Variants in USP34 observed in about 807,000 individuals in gnomAD.
The protein encoded by USP34 is ubiquitin carboxyl-terminal hydrolase 34.
Under a neutral mutation model 460.3 loss-of-function variants are expected in USP34, and 70 were observed. The ratio of observed to expected loss-of-function variants is 0.15; its 90% CI spans 0.13 to 0.19. The LOEUF is 0.19. Among genes scored for constraint, USP34 ranks in the 10% least tolerant of loss-of-function variants. The pLI, the probability that USP34 is intolerant of heterozygous loss-of-function variation, is 1.00. For missense variants in USP34, 3,985 were observed against 4,236.2 expected (o/e 0.94, Z 1.65); for synonymous variants, 1,647 against 1,405.3 (o/e 1.17, Z -3.85).
Position 61,383,339 on chromosome 2 carries a change from A to G in USP34, c.754-3T>C, listed in dbSNP as rs751007146. On this transcript the variant is annotated splice_region_variant and splice_polypyrimidine_tract_variant and intron_variant, in intron 5 of 79. Coordinates refer to ENST00000398571, the MANE Select transcript of USP34 (RefSeq NM_014709.4). ...GGAATATGTAGCCATATTCTAATCT[A>G]TATAAGAAACATAAAAACAACATTA... 4.4e-6 allele frequency: 7 copies of G among 1,589,756 alleles called. No homozygotes were observed. The South Asian group carries it at 5.7e-5, about 13-fold the overall frequency.
At chr2:61,283,771 A>C (rs1396145134) in intron 35 of USP34, among the ~76,000 whole-genome samples, 1 of 152,170 alleles carries the variant, frequency 6.6e-6, no homozygotes, top group East Asian at 1.9e-4. Flanking sequence ...ATGTGCCACC[A>C]CACTCAGCTA....
rs1349593535 is a variant in USP34, at chr2:61,188,249, A to C, written c.10494T>G (p.Val3498=). ...GQALPSQDPE[V]ALSLSCGHSR... The stretch of plus-strand genomic sequence containing the variant: ...AATGGCCACAACTGAGAGATAAAGC[A>C]ACCTCAGGGTCCTGGGAGGGCAAAG... The change falls in exon 80 of 80, where the codon GTT becomes GTG. Residue 3498 remains valine (V), a synonymous_variant. Transcript: ENST00000398571. 6.2e-7 allele frequency: 1 copy of C among 1,614,196 alleles called. No individual in the cohort carries two copies. The highest frequency in any genetic ancestry group is 1.7e-5 in the Admixed American group (1 of 60,022).
At chr2:61,243,969 A>G (rs1288788339) in intron 51 of USP34, among the ~76,000 whole-genome samples, 1 of 151,814 alleles carries the variant, frequency 6.6e-6, no homozygotes, top group African/African-American at 2.4e-5. Context: ...TATTCTACCC[A>G]TTTCTAAATT....
At chr2:61,382,597 G>C (rs1355400752) in intron 6 of USP34, among the ~76,000 whole-genome samples, 1 of 152,104 alleles carries the variant, frequency 6.6e-6, no homozygotes, top group Non-Finnish European at 1.5e-5. Context: ...GTGAAAAAGG[G>C]AACACTCAAA....
At chr2:61,321,070 G>C (rs1196473085) in intron 21 of USP34, among the ~76,000 whole-genome samples, 3 of 152,150 alleles carry the variant, frequency 2.0e-5, no homozygotes, top group African/African-American at 7.2e-5. Context: ...TAGCTACTTG[G>C]GAGGCTGAGG....
chr2:61,279,787 T>C (rs952472011), intron 39 of USP34, among the ~76,000 whole-genome samples: 4 of 152,228 alleles, frequency 2.6e-5, no homozygotes, highest in Non-Finnish European at 5.9e-5. Flanking sequence ...TTTTAAACAT[T>C]ACTTTGTTTG....
chr2:61,247,030 A>G (rs528146636), intron 49 of USP34, among the ~76,000 whole-genome samples: 32 of 152,292 alleles, frequency 2.1e-4, no homozygotes, highest in Non-Finnish European at 4.1e-4. Context: ...TTCCAAATAT[A>G]TATCAGTTAA....
At chr2:61,374,023 G>T (rs936051976) in intron 8 of USP34, among the ~76,000 whole-genome samples, 2 of 152,084 alleles carry the variant, frequency 1.3e-5, no homozygotes, top group African/African-American at 4.8e-5. Context: ...AGGCGTGGTG[G>T]CAGGTGCCTA....
At chr2:61,223,208 T>C (rs747617731) in intron 63 of USP34, 40 bp downstream of exon 63, 2 of 1,613,456 alleles carry the variant, frequency 1.2e-6, no homozygotes, top group East Asian at 2.2e-5. Flanking sequence ...GTTATTATTT[T>C]TGTGATGATC....
At chr2:61,424,560 C>T (rs1027661519) in intron 1 of USP34, among the ~76,000 whole-genome samples, 2 of 152,086 alleles carry the variant, frequency 1.3e-5, no homozygotes, top group African/African-American at 4.8e-5. Flanking sequence ...ACATTTCTAA[C>T]ACTACTCAAC....
intron 1 of USP34, among the ~76,000 whole-genome samples, chr2:61,460,041 G>A (rs967934833): frequency 1.3e-5 from 2 of 152,082 alleles, no homozygotes; most frequent in South Asian, 2.1e-4. Flanking sequence ...CAGCCTGAGC[G>A]ACAGAGCAAG....
intron 78 of USP34, 187 bp from the exon 79 acceptor site, chr2:61,189,256 G>T: frequency 1.8e-5 from 9 of 489,000 alleles, no homozygotes; most frequent in South Asian, 7.6e-5. Context: ...CATTTCATTA[G>T]TTGTTTTTTT....
chr2:61,238,983 A>C (rs1218205233), intron 53 of USP34, among the ~76,000 whole-genome samples: 1 of 150,988 alleles, frequency 6.6e-6, no homozygotes, highest in Admixed American at 6.6e-5. Context: ...ATATTATTAT[A>C]TATTATATTA....
rs1467991496 is a variant in USP34, at chr2:61,471,000, G to T, written c.-308C>A. 6.7e-6 allele frequency among the ~76,000 whole-genome samples: 1 copy of T among 149,016 alleles called. No homozygotes were observed. Among genetic ancestry groups the T allele is most frequent in the Non-Finnish European group, 1.5e-5 (1 of 66,526 alleles). ...GGGGAGAGGGGGGGAGGGGGCGGGT[G>T]GGGAGAGAAGCAGCAGAGTCACTTC... is the stretch of plus-strand genomic sequence containing the variant. On this transcript the variant is annotated 5_prime_UTR_variant, in exon 1 of 80. Transcript: ENST00000398571.
chr2:61,241,892 T>G, intron 51 of USP34, 73 bp from the exon 52 acceptor site: 1 of 781,172 alleles, frequency 1.3e-6, no homozygotes, highest in Non-Finnish European at 2.0e-6. Context: ...TATAAATTAT[T>G]TCATAAACAG....
rs754691043 is a variant in USP34, at chr2:61,350,271, C to T, written c.1496G>A (p.Gly499Glu). Residue 499 changes from glycine (G) to glutamate (E), a missense_variant, in exon 12 of 80, where the codon GGA (glycine) becomes GAA (glutamate). Physicochemically the swap from Gly to Glu is moderately conservative, Grantham distance 98. Transcript: ENST00000398571. ...ASLLNTNIPI[G>E]NKKEEEELRR... ...ATGACATTACTAACCTTTCTTATTT[C>T]CAATGGGAATATTAGTATTTAATAA... The T allele has an allele frequency of 3.1e-6, 5 of 1,602,472 alleles. No homozygotes were observed. The highest frequency in any genetic ancestry group is 4.3e-6 in the Non-Finnish European group (5 of 1,175,602).
chr2:61,360,803 G>A (rs376864160), intron 10 of USP34, among the ~76,000 whole-genome samples: 3 of 152,064 alleles, frequency 2.0e-5, no homozygotes, highest in Non-Finnish European at 2.9e-5. Context: ...CTACAGGGAC[G>A]TACCACCACA....
chr2:61,203,099 A>G, intron 75 of USP34, 41 bp downstream of exon 75: 1 of 1,495,814 alleles, frequency 6.7e-7, no homozygotes, highest in Non-Finnish European at 9.0e-7. Context: ...TAGGGGCTTA[A>G]AATAATTCAG....
At chr2:61,380,754 A>T (rs1020702541) in intron 6 of USP34, among the ~76,000 whole-genome samples, 2 of 152,228 alleles carry the variant, frequency 1.3e-5, no homozygotes, top group Admixed American at 1.3e-4. Flanking sequence ...TGGAAGCTAG[A>T]AAAGCCTTTG....
Sources: gnomAD v4.1 joint callset for allele counts (sites outside exome capture counted in the v4.1 genomes callset) on GRCh38, gnomAD v4.1.1 for gene constraint, MANE v1.5 for transcripts, NCBI Gene and HGNC (gene_info 2026-07-23, HGNC 2026-07-21) for gene names.